RALGPS1: variants seen among roughly 807,000 people sequenced by gnomAD.
RALGPS1 encodes ras-specific guanine nucleotide-releasing factor RalGPS1.
Under a neutral mutation model 78.8 loss-of-function variants are expected in RALGPS1, and 19 were observed. The observed-to-expected ratio is 0.24, with a 90% CI of 0.17 to 0.35. The LOEUF (loss-of-function observed/expected upper bound fraction) is 0.35. Ranked by LOEUF, RALGPS1 falls within the 10% of genes least tolerant of loss-of-function variation. The pLI is 1.00. For missense variants in RALGPS1, 454 were observed against 688.3 expected, an observed-to-expected ratio of 0.66 and a Z score of 3.81; for synonymous variants, 228 against 256.3, an observed-to-expected ratio of 0.89 and a Z score of 1.06.
At chr9:127,124,109 G>T (rs555555538) in intron 8 of RALGPS1, among the ~76,000 whole-genome samples, 63 of 152,280 alleles carry the variant, frequency 4.1e-4, no homozygotes, top group Non-Finnish European at 7.4e-5. Flanking sequence ...TCCCCAAGGA[G>T]ACCCTGACAC....
intron 11 of RALGPS1, chr9:127,184,319 CAGGA>C: frequency 1.7e-5 from 4 of 239,594 alleles, no homozygotes; most frequent in South Asian, 4.9e-5. Flanking sequence ...GACCTTGTCT[CAGGA>C]AAAAAAAAAA....
intron 8 of RALGPS1, among the ~76,000 whole-genome samples, chr9:127,089,467 C>G (rs996771419): frequency 6.6e-6 from 1 of 152,170 alleles, no homozygotes; most frequent in Non-Finnish European, 1.5e-5. Context: ...TGACACCTAG[C>G]CCAGGGCTGG....
intron 8 of RALGPS1, among the ~76,000 whole-genome samples, chr9:127,132,513 A>AG (rs772889221): frequency 6.6e-6 from 1 of 152,212 alleles, no homozygotes; most frequent in African/African-American, 2.4e-5. Flanking sequence ...GCACGCTGTA[A>AG]GGGTGGAGCA....
intron 4 of RALGPS1, among the ~76,000 whole-genome samples, chr9:126,981,113 G>A (rs1264814908): frequency 6.6e-6 from 1 of 152,130 alleles, no homozygotes; most frequent in South Asian, 2.1e-4. Context: ...GGAGATGGGG[G>A]TATTTAGCTT....
At chr9:127,042,849 G>A (rs991787604) in intron 5 of RALGPS1, among the ~76,000 whole-genome samples, 6 of 152,132 alleles carry the variant, frequency 3.9e-5, no homozygotes, top group Non-Finnish European at 7.4e-5. Flanking sequence ...CAGTATACAA[G>A]AGTCAATTGA....
intron 8 of RALGPS1, among the ~76,000 whole-genome samples, chr9:127,126,860 T>C (rs948359485): frequency 6.6e-6 from 1 of 152,254 alleles, no homozygotes; most frequent in Non-Finnish European, 1.5e-5. Flanking sequence ...ACTGCTTTTT[T>C]TTCTTGATTA....
At chr9:127,115,630 A>G (rs370295369) in intron 8 of RALGPS1, among the ~76,000 whole-genome samples, 3 of 152,326 alleles carry the variant, frequency 2.0e-5, no homozygotes, top group East Asian at 3.9e-4. Context: ...CCTTGCATCA[A>G]GATTGTCTCT....
intron 8 of RALGPS1, among the ~76,000 whole-genome samples, chr9:127,112,775 A>G (rs993119186): frequency 2.6e-5 from 4 of 152,236 alleles, no homozygotes; most frequent in Non-Finnish European, 4.4e-5. Flanking sequence ...AACAAAACCA[A>G]CAACAGTGAG....
chr9:126,997,239 G>A (rs10760470), intron 4 of RALGPS1, among the ~76,000 whole-genome samples: 30,724 of 152,110 alleles, frequency 0.2, 3,841 homozygotes, highest in East Asian at 0.44. Flanking sequence ...GAGGAAGTCA[G>A]ATTGTCCGTT....
At position 126,966,323 on chromosome 9, in the gene RALGPS1, A is replaced by T. The variant is rs148647466; in HGVS notation, c.165+372A>T. 2.7e-3 allele frequency among the ~76,000 whole-genome samples: 404 copies of T among 152,214 alleles called. 1 individual carries two copies. The highest frequency in any genetic ancestry group is 9.4e-3 in the African/African-American group (392 of 41,538). On this transcript the variant is annotated intron_variant, in intron 3 of 18. Transcript: ENST00000259351. The stretch of plus-strand genomic sequence containing the variant: ...GGCTTGAGCCCAGGAGTTCGAGATC[A>T]GCCTGGGCAGCATAGGGAGACTGCA...
chr9:127,130,847 A>G (rs963767309), intron 8 of RALGPS1, among the ~76,000 whole-genome samples: 35 of 152,314 alleles, frequency 2.3e-4, no homozygotes, highest in African/African-American at 7.0e-4. Flanking sequence ...CTGCCCTTTC[A>G]ACCTCTTCGT....
intron 8 of RALGPS1, among the ~76,000 whole-genome samples, chr9:127,110,741 C>G (rs1409570306): frequency 6.6e-6 from 1 of 152,158 alleles, no homozygotes. Flanking sequence ...TCCTAGACGC[C>G]TTTCTTTCTT....
At chr9:127,168,982 T>A (rs1470621853) in intron 10 of RALGPS1, among the ~76,000 whole-genome samples, 1 of 152,264 alleles carries the variant, frequency 6.6e-6, no homozygotes. Context: ...GCAGTGGTGA[T>A]GTCTGAACAG....
intron 11 of RALGPS1, among the ~76,000 whole-genome samples, chr9:127,181,956 A>G (rs567297694): frequency 6.6e-6 from 1 of 152,006 alleles, no homozygotes; most frequent in African/African-American, 2.4e-5. Context: ...CTGGCCTCCT[A>G]TCCCTGGAGC....
At chr9:127,014,858 C>T (rs1245958745) in intron 4 of RALGPS1, among the ~76,000 whole-genome samples, 1 of 152,138 alleles carries the variant, frequency 6.6e-6, no homozygotes, top group African/African-American at 2.4e-5. Context: ...GGGACCTTTG[C>T]TTATTAAGAG....
At chr9:127,181,094 C>T (rs1044218943) in intron 11 of RALGPS1, among the ~76,000 whole-genome samples, 16 of 152,254 alleles carry the variant, frequency 1.1e-4, no homozygotes, top group Admixed American at 4.6e-4. Context: ...ACTGCTGCCA[C>T]ACTCTGCTGC....
Position 127,026,753 on chromosome 9 carries a change from G to C in RALGPS1, c.217-7678G>C, listed in dbSNP as rs1416739542. 2.6e-5 allele frequency among the ~76,000 whole-genome samples: 4 copies of C among 152,208 alleles called. No individual in the cohort carries two copies. The East Asian group carries it at 7.7e-4, about 29-fold the overall frequency. ...TCCCCTGGCTTTTCTCCTGAGGGGAGTCTGCCTGGGATAGCCAAGTGGCCT... is the reference window on the plus strand; with the variant it reads ...TCCCCTGGCTTTTCTCCTGAGGGGACTCTGCCTGGGATAGCCAAGTGGCCT... On this transcript the variant is annotated intron_variant, in intron 4 of 18. Coordinates refer to ENST00000259351, the MANE Select transcript of RALGPS1 (RefSeq NM_014636.3).
rs553797741 is a variant in RALGPS1 at position 127,176,735 on chromosome 9, G to A, written c.910+1953G>A. Among the ~76,000 whole-genome samples, 5 of 152,338 alleles carry A rather than the reference G, an allele frequency of 3.3e-5. No homozygotes were observed. In the East Asian group the frequency reaches 9.6e-4, roughly 29 times the overall value. ...AGCTCTGGAATACCCATCTCCCGGTGCCCCTTCCTGCTGCCTGATTCCATG... is the reference window on the plus strand; with the variant it reads ...AGCTCTGGAATACCCATCTCCCGGTACCCCTTCCTGCTGCCTGATTCCATG... On this transcript the variant is annotated intron_variant, in intron 11 of 18. Transcript: ENST00000259351.
chr9:127,027,173 C>T (rs1487838720), intron 4 of RALGPS1, among the ~76,000 whole-genome samples: 1 of 152,190 alleles, frequency 6.6e-6, no homozygotes, highest in Non-Finnish European at 1.5e-5. Flanking sequence ...GTGTTGAAAT[C>T]TCTCATTTGA....
Sources: gnomAD v4.1 joint callset for allele counts (sites outside exome capture counted in the v4.1 genomes callset) on GRCh38, gnomAD v4.1.1 for gene constraint, MANE v1.5 for transcripts, NCBI Gene and HGNC (gene_info 2026-07-23, HGNC 2026-07-21) for gene names.